MRPS6: variants seen among roughly 807,000 people sequenced by gnomAD.
MRPS6 encodes the protein small ribosomal subunit protein bS6m.
A neutral mutation model predicts 13.1 loss-of-function variants in MRPS6; 6 were observed. The ratio of observed to expected loss-of-function variants is 0.46; its 90% CI spans 0.25 to 0.91. The LOEUF is 0.91. MRPS6 is among the 40% of genes least tolerant of loss of function. The probability of loss-of-function intolerance (pLI) is 0.18; values close to 1 mark genes in which losing one functional copy is unlikely to be tolerated. For synonymous variants in MRPS6, 61 were observed against 56.5 expected (o/e 1.08, Z -0.36); for missense variants, 164 against 155.6 (o/e 1.05, Z -0.29).
At chr21:34,139,657 A>G (rs537061710) in intron 2 of MRPS6, among the ~76,000 whole-genome samples, 3 of 152,196 alleles carry the variant, frequency 2.0e-5, no homozygotes, top group African/African-American at 4.8e-5. Flanking sequence ...GGCTCACTGC[A>G]GCGTGGACCT....
Position 34,084,066 on chromosome 21 carries a change from G to A in MRPS6, c.45+10321G>A, listed in dbSNP as rs7281984. ...TTATTTCTTAGGTTTAATTCAGGGC[G>A]TAATTTCTACCAGTCCCTCCAAATA... On this transcript the variant is annotated intron_variant, in intron 1 of 2. Transcript: ENST00000399312. 7.6e-3 allele frequency among the ~76,000 whole-genome samples: 1,150 copies of A among 152,212 alleles called. 14 individuals carry two copies. The highest frequency in any genetic ancestry group is 0.026 in the African/African-American group (1,098 of 41,526).
chr21:34,114,255 A>G (rs1979816872), intron 1 of MRPS6, among the ~76,000 whole-genome samples: 1 of 152,182 alleles, frequency 6.6e-6, no homozygotes, highest in African/African-American at 2.4e-5. Context: ...ATTTACCACA[A>G]ATAGTCACCC....
At chr21:34,137,027 C>G (rs145868913) in intron 2 of MRPS6, among the ~76,000 whole-genome samples, 160 of 152,246 alleles carry the variant, frequency 1.1e-3, no homozygotes, top group African/African-American at 3.5e-3. Flanking sequence ...GTCTTTTGAT[C>G]TCTCTGTGTA....
chr21:34,103,502 T>C (rs544628755), intron 1 of MRPS6: 1 of 999,310 alleles, frequency 1.0e-6, no homozygotes, highest in Non-Finnish European at 1.2e-6. Flanking sequence ...TGTAGGTTGA[T>C]AGGTATATCG....
intron 1 of MRPS6, among the ~76,000 whole-genome samples, chr21:34,090,563 G>C (rs2898205): frequency 0.81 from 123,207 of 152,080 alleles, 52,477 homozygotes; most frequent in Non-Finnish European, 0.93. Context: ...TAAATAACTT[G>C]GGAAAATCCT....
At chr21:34,099,332 C>T in intron 1 of MRPS6, 1 of 1,000,168 alleles carries the variant, frequency 1.0e-6, no homozygotes, top group Non-Finnish European at 1.2e-6. Context: ...AACCAGGTCT[C>T]CAAATCTGGA....
chr21:34,109,749 C>T (rs986781739), intron 1 of MRPS6, among the ~76,000 whole-genome samples: 4 of 152,022 alleles, frequency 2.6e-5, no homozygotes, highest in African/African-American at 9.7e-5. Flanking sequence ...CTTCTACTTC[C>T]TTTCTTCCAG....
intron 1 of MRPS6, chr21:34,124,670 TAA>T (rs1980239701): frequency 2.6e-5 from 4 of 152,204 alleles, no homozygotes; most frequent in Admixed American, 2.6e-4. Context: ...GCCTTTCAAG[TAA>T]ACTTTCCTTA....
intron 1 of MRPS6, chr21:34,103,329 A>AC (rs1979331499): frequency 1.1e-5 from 11 of 998,706 alleles, no homozygotes; most frequent in Non-Finnish European, 1.3e-5. Flanking sequence ...AAAAAAAAAA[A>AC]AACATGCATT....
In MRPS6 at chr21:34,142,471, T is replaced by C. The variant is rs375720461; in HGVS notation, c.249T>C (p.Ser83=). ...TTGAAAGCATGGTGGAGCACTTGTC[T>C]CGAGATATAGATGTGATTAGAGGGA... ...AAVESMVEHL[S]RDIDVIRGNI... The change falls in exon 3 of 3, where the codon TCT becomes TCC. Residue 83 remains serine, a synonymous_variant. Coordinates refer to ENST00000399312, the MANE Select transcript of MRPS6 (RefSeq NM_032476.4). The C allele has an allele frequency of 9.3e-6, 15 of 1,610,424 alleles. No homozygotes were observed. Among genetic ancestry groups the C allele is most frequent in the African/African-American group, 1.3e-5 (1 of 74,816 alleles).
intron 1 of MRPS6, among the ~76,000 whole-genome samples, chr21:34,084,480 T>C (rs1408989808): frequency 6.6e-6 from 1 of 152,020 alleles, no homozygotes; most frequent in Non-Finnish European, 1.5e-5. Context: ...GCTAGATGAG[T>C]TGATAATAAT....
At chr21:34,073,796 C>G (rs1168825414) in intron 1 of MRPS6, 51 bp downstream of exon 1, 7 of 1,356,454 alleles carry the variant, frequency 5.2e-6, no homozygotes, top group Non-Finnish European at 6.8e-6. Flanking sequence ...GCCCCCGCTG[C>G]CGCTAGGCCG....
chr21:34,109,424 TAA>T, intron 1 of MRPS6, among the ~76,000 whole-genome samples: 1 of 152,212 alleles, frequency 6.6e-6, no homozygotes, highest in Non-Finnish European at 1.5e-5. Flanking sequence ...AACTGAAGGA[TAA>T]AAGGCCTTTT....
At chr21:34,099,847 C>G (rs1979154659) in intron 1 of MRPS6, 1 of 507,566 alleles carries the variant, frequency 2.0e-6, no homozygotes, top group African/African-American at 2.1e-5. Flanking sequence ...ACTAAAGTCC[C>G]TGAAGCTTGT....
At chr21:34,119,211 T>C (rs1980035036) in intron 1 of MRPS6, among the ~76,000 whole-genome samples, 1 of 152,206 alleles carries the variant, frequency 6.6e-6, no homozygotes, top group African/African-American at 2.4e-5. Context: ...ATTTCATAGT[T>C]GGGCTTTGCT....
intron 1 of MRPS6, chr21:34,105,574 TG>T: frequency 1.0e-6 from 1 of 1,000,206 alleles, no homozygotes; most frequent in Non-Finnish European, 1.2e-6. Context: ...TCAGATTTTT[TG>T]TAAGAGACCA....
intron 2 of MRPS6, among the ~76,000 whole-genome samples, chr21:34,126,200 T>G (rs1980299022): frequency 1.3e-5 from 2 of 152,180 alleles, no homozygotes. Context: ...TGGCCTCCCC[T>G]TCTGTTTCTG....
At chr21:34,125,535 A>G in intron 2 of MRPS6, 55 bp downstream of exon 2, 3 of 1,595,100 alleles carry the variant, frequency 1.9e-6, no homozygotes, top group Non-Finnish European at 2.6e-6. Flanking sequence ...AGTAAAGAGT[A>G]CTGTTCAATT....
chr21:34,108,242 A>G (rs747420017), intron 1 of MRPS6, among the ~76,000 whole-genome samples: 10 of 152,202 alleles, frequency 6.6e-5, no homozygotes, highest in Non-Finnish European at 1.5e-4. Flanking sequence ...AGCTCCATTC[A>G]TGGTAAGTGC....
Sources: allele counts gnomAD v4.1 joint callset (sites outside exome capture counted in the v4.1 genomes callset), GRCh38; gene constraint gnomAD v4.1.1; transcripts MANE v1.5; gene names NCBI Gene and HGNC (gene_info 2026-07-23, HGNC 2026-07-21).